The following BTN3A3 variants were observed in gnomAD, a reference collection of about 807,000 sequenced individuals.
BTN3A3 encodes butyrophilin subfamily 3 member A3, also known as butyrophilin 3.
A neutral mutation model predicts 43.2 loss-of-function variants in BTN3A3; 39 were observed. That is an observed-to-expected ratio of 0.90 (90% CI 0.70 to 1.18). The LOEUF is 1.18. Among genes scored for constraint, BTN3A3 ranks in the 50% most tolerant of loss-of-function variants. BTN3A3 has a pLI of 0.00. For synonymous variants in BTN3A3, 255 were observed against 272.7 expected, an observed-to-expected ratio of 0.93 and a Z score of 0.64; for missense variants, 631 against 722.8, an observed-to-expected ratio of 0.87 and a Z score of 1.46.
rs140210209 is a variant in BTN3A3 at position 26,452,391 on chromosome 6, C to G, written c.1735C>G (p.Arg579Gly). 1 of 1,602,086 alleles carries G rather than the reference C, an allele frequency of 6.2e-7. No homozygotes were observed. The highest frequency in any genetic ancestry group is 8.5e-7 in the Non-Finnish European group (1 of 1,178,876). ...TTNQNHKLQA[R>G]TEALY ...CAATCAGAACCATAAGCTACAGGCA[C>G]GCACTGAAGCACTTTACTGATATTC... is the stretch of plus-strand genomic sequence containing the variant. The change falls in exon 11 of 11, where the codon CGC becomes GGC. Residue 579 changes from arginine (R) to glycine (G), a missense_variant. Coordinates refer to ENST00000244519, the MANE Select transcript of BTN3A3 (RefSeq NM_006994.5).
At position 26,448,748 on chromosome 6, in the gene BTN3A3, A is replaced by G. The variant is rs202118130; in HGVS notation, c.958A>G (p.Met320Val). 1.7e-4 allele frequency: 268 copies of G among 1,613,782 alleles called. 2 individuals carry two copies. The East Asian group carries it at 5.7e-3, about 34-fold the overall frequency. ...EELKWRKIQY[M>V]ARGEKSLAYH... ...TGCAGAGTGGAGGAAAATCCAGTAC[A>G]TGGCTCGTGAGTGACTCTGACATTT... The change falls in exon 8 of 11, where the codon ATG becomes GTG. Residue 320 changes from methionine (M) to valine (V), a missense_variant. Coordinates refer to ENST00000244519, the MANE Select transcript of BTN3A3 (RefSeq NM_006994.5).
Position 26,446,000 on chromosome 6 carries a change from T to G in BTN3A3, c.715+15T>G. 6.2e-7 allele frequency: 1 copy of G among 1,613,582 alleles called. No individual in the cohort carries two copies. The highest frequency in any genetic ancestry group is 8.5e-7 in the Non-Finnish European group (1 of 1,179,524). On this transcript the variant is annotated intron_variant, in intron 5 of 10. Coordinates refer to ENST00000244519, the MANE Select transcript of BTN3A3 (RefSeq NM_006994.5). Reference sequence around the variant, plus strand: ...ATCCATCGCAGGTCAGTACCCTGCTTGGCCTCAGCTTTACTGAGCTGAGCT... The same window carrying G: ...ATCCATCGCAGGTCAGTACCCTGCTGGGCCTCAGCTTTACTGAGCTGAGCT...
chr6:26,449,150 T>C (rs976669992), intron 8 of BTN3A3: 1 of 228,542 alleles, frequency 4.4e-6, no homozygotes, highest in African/African-American at 2.3e-5. Flanking sequence ...AATGGAAGAT[T>C]TAAGAGATAA....
intron 5 of BTN3A3, among the ~76,000 whole-genome samples, 193 bp downstream of exon 5, chr6:26,446,178 C>T (rs1177050347): frequency 2.6e-5 from 4 of 152,126 alleles, no homozygotes; most frequent in Non-Finnish European, 5.9e-5. Flanking sequence ...GCTGTTCATG[C>T]CACAAACATT....
chr6:26,444,547 G>A (rs895554385), intron 4 of BTN3A3: 2 of 644,628 alleles, frequency 3.1e-6, no homozygotes, highest in Admixed American at 5.9e-5. Context: ...AGATATAAGG[G>A]AAATGAAGGA....
chr6:26,450,528 A>G (rs1335231923), intron 10 of BTN3A3, among the ~76,000 whole-genome samples: 4 of 152,206 alleles, frequency 2.6e-5, no homozygotes, highest in Non-Finnish European at 5.9e-5. Flanking sequence ...GTCACCTCAA[A>G]TGATTTAATG....
Position 26,442,892 on chromosome 6 carries a change from T to C in BTN3A3, c.-66-490T>C, listed in dbSNP as rs531637870. On this transcript the variant is annotated intron_variant, in intron 1 of 10. Transcript: ENST00000244519. The stretch of plus-strand genomic sequence containing the variant: ...TTGTGAATCTTAGAGCCTTTACCTA[T>C]TGCTTACCTTCTTTATGTCCTTAAC... 3.5e-4 allele frequency among the ~76,000 whole-genome samples: 53 copies of C among 152,382 alleles called. No homozygotes were observed. In the South Asian group the frequency reaches 0.011, roughly 31 times the overall value.
chr6:26,445,432 T>C (rs934139486), intron 4 of BTN3A3: 3 of 443,454 alleles, frequency 6.8e-6, no homozygotes, highest in African/African-American at 2.0e-5. Flanking sequence ...CTCAAGAAAG[T>C]CCTCAATGCA....
At position 26,448,735 on chromosome 6, in the gene BTN3A3, GA is replaced by G; in HGVS notation, c.949del (p.Ile317SerfsTer26). Reference protein sequence around the residue: ...EKLQEELKWRKIQYMARGEKS... With the variant: ...EKLQEELKWRXIQYMARGEKS... ...CTATTCATTCCATTGCAGAGTGGAGGAAAATCCAGTACATGGCTCGTGAGTG... is the reference window on the plus strand; with the variant it reads ...CTATTCATTCCATTGCAGAGTGGAGGAAATCCAGTACATGGCTCGTGAGTG... On this transcript the variant is annotated frameshift_variant, in exon 8 of 11. Transcript: ENST00000244519. LOFTEE classifies it high-confidence loss of function. The G allele has an allele frequency of 6.2e-7, 1 of 1,613,838 alleles. No homozygotes were observed. Among genetic ancestry groups the G allele is most frequent in the Non-Finnish European group, 8.5e-7 (1 of 1,179,996 alleles).
Position 26,452,453 on chromosome 6 carries a change from G to A in BTN3A3, c.*42G>A, listed in dbSNP as rs545175228. 81 of 1,509,336 alleles carry A rather than the reference G, an allele frequency of 5.4e-5. 1 individual carries two copies. The highest frequency in any genetic ancestry group is 6.9e-5 in the East Asian group (3 of 43,472). The allele number at this position is 1,509,336 out of a possible 1,614,324, so 93.5% of individuals were successfully genotyped here. On this transcript the variant is annotated 3_prime_UTR_variant, in exon 11 of 11. Transcript: ENST00000244519. ...CCATATGACAGTTGTTTTGAGTTTC[G>A]TACCACCTTATTGTCCCCTTATACA... is the stretch of plus-strand genomic sequence containing the variant.
intron 4 of BTN3A3, 160 bp downstream of exon 4, chr6:26,444,464 A>T: frequency 8.6e-7 from 1 of 1,164,236 alleles, no homozygotes; most frequent in African/African-American, 1.6e-5. Flanking sequence ...AGAAAGACAC[A>T]TTCTTTCTTT....
At position 26,451,907 on chromosome 6, in the gene BTN3A3, G is replaced by A. The variant is rs548428966; in HGVS notation, c.1251G>A (p.Glu417=). ...WHIGVCSKNV[E]RKKGWVKMTP... is the part of the protein sequence containing the mutation. ...TTGGGGTATGTAGTAAGAACGTGGA[G>A]AGGAAAAAAGGTTGGGTCAAAATGA... The change falls in exon 11 of 11, where the codon GAG becomes GAA. Residue 417 remains glutamate, a synonymous_variant. Coordinates refer to ENST00000244519, the MANE Select transcript of BTN3A3 (RefSeq NM_006994.5). 2.0e-4 allele frequency: 321 copies of A among 1,614,114 alleles called. 4 individuals carry two copies. The South Asian group carries it at 3.4e-3, about 17-fold the overall frequency.
Position 26,453,208 on chromosome 6 carries a change from T to A in BTN3A3, c.*797T>A, listed in dbSNP as rs1762971762. On this transcript the variant is annotated 3_prime_UTR_variant, in exon 11 of 11. Transcript: ENST00000244519. ...GCTAAAAGAATTACAGGGATGTTTT[T>A]AATCCCACTATGGACTCAGTCTCCT... is the stretch of plus-strand genomic sequence containing the variant. 1 of 152,198 alleles carries A rather than the reference T, an allele frequency of 6.6e-6. No homozygotes were observed. Among genetic ancestry groups the A allele is most frequent in the South Asian group, 2.1e-4 (1 of 4,828 alleles). 9.4% of individuals were successfully genotyped at this position (152,198 alleles called of 1,614,324 possible). A position where few individuals can be genotyped will look rare whatever the true frequency, so the allele number is the denominator to read the frequency against.
chr6:26,449,110 T>C (rs1295832714), intron 8 of BTN3A3: 1 of 291,182 alleles, frequency 3.4e-6, no homozygotes, highest in African/African-American at 2.2e-5. Flanking sequence ...TTGTTTTCCA[T>C]AATCTAGAGG....
At chr6:26,444,587 C>T (rs967888634) in intron 4 of BTN3A3, 3 of 574,050 alleles carry the variant, frequency 5.2e-6, no homozygotes, top group Non-Finnish European at 9.2e-6. Context: ...GAAATCATCT[C>T]TTTAGTGACT....
At chr6:26,444,425 C>G in intron 4 of BTN3A3, 121 bp downstream of exon 4, 1 of 1,491,676 alleles carries the variant, frequency 6.7e-7, no homozygotes, top group Non-Finnish European at 9.2e-7. Flanking sequence ...TCTGCACTGC[C>G]TCCCAACTTA....
In BTN3A3 at chr6:26,452,331, C is replaced by T. The variant is rs1338962309; in HGVS notation, c.1675C>T (p.His559Tyr). 6.2e-7 allele frequency: 1 copy of T among 1,612,682 alleles called. No individual in the cohort carries two copies. The highest frequency in any genetic ancestry group is 8.5e-7 in the Non-Finnish European group (1 of 1,180,016). The change falls in exon 11 of 11, where the codon CAC (histidine) becomes TAC (tyrosine). Residue 559 changes from histidine to tyrosine, a missense_variant. Around this residue, in one of 2 missense-constraint regions of BTN3A3, gnomAD observed 551 missense variants for 584.0 expected, o/e 0.94. Transcript: ENST00000244519. ...AEVTSLLLPA[H>Y]PGAEVSPSAT... The stretch of plus-strand genomic sequence containing the variant: ...AGTAACATCTCTGCTTCTCCCTGCC[C>T]ACCCTGGAGCTGAGGTCTCCCCTTC...
intron 10 of BTN3A3, 135 bp downstream of exon 10, chr6:26,450,268 C>A: frequency 9.1e-7 from 1 of 1,101,664 alleles, no homozygotes; most frequent in South Asian, 1.5e-5. Context: ...CATTAAATCC[C>A]AATCTGAAAA....
At chr6:26,442,745 A>C (rs1270291543) in intron 1 of BTN3A3, among the ~76,000 whole-genome samples, 1 of 152,236 alleles carries the variant, frequency 6.6e-6, no homozygotes, top group Non-Finnish European at 1.5e-5. Context: ...ACTTTGCTAG[A>C]CTAGACATCA....
Sources: allele counts gnomAD v4.1 joint callset (sites outside exome capture counted in the v4.1 genomes callset), GRCh38; gene constraint gnomAD v4.1.1; regional missense constraint gnomAD v4.1.1; transcripts MANE v1.5; gene names NCBI Gene and HGNC (gene_info 2026-07-23, HGNC 2026-07-21).